The following P2RX4 variants were observed in gnomAD, a reference collection of about 807,000 sequenced individuals.
The protein encoded by P2RX4 is P2X purinoceptor 4.
In P2RX4, 37 loss-of-function variants were observed where a neutral mutation model predicts 48.0. The observed-to-expected ratio is 0.77, with a 90% CI of 0.59 to 1.01. P2RX4 has a LOEUF of 1.01. P2RX4 is among the 50% of genes least tolerant of loss of function. P2RX4 has a pLI of 0.00. For synonymous variants in P2RX4, 200 were observed against 199.7 expected (o/e 1.00, Z -0.01); for missense variants, 501 against 521.4 (o/e 0.96, Z 0.38).
Position 121,232,355 on chromosome 12 carries a change from C to T in P2RX4, c.885-59C>T. 8.3e-7 allele frequency: 1 copy of T among 1,205,354 alleles called. No individual in the cohort carries two copies. The highest frequency in any genetic ancestry group is 1.2e-6 in the Non-Finnish European group (1 of 810,566). 74.7% of individuals were successfully genotyped at this position (1,205,354 alleles called of 1,614,324 possible). ...TGCCAGCTCCACTCTAACGTTCTCT[C>T]ACAGGGCCCAAGGTCCTGCCCCAGC... On this transcript the variant is annotated intron_variant, in intron 8 of 11. Transcript: ENST00000337233. This position sits in a 1 kb window ranked among gnomAD's most constrained non-coding sequence, Gnocchi z 4.3.
chr12:121,224,524 C>T (rs2136233849), intron 5 of P2RX4, among the ~76,000 whole-genome samples: 1 of 152,126 alleles, frequency 6.6e-6, no homozygotes, highest in South Asian at 2.1e-4. Flanking sequence ...ATTGCTTGAA[C>T]CCGGGAAGTG....
chr12:121,215,528 C>T (rs900398848), intron 1 of P2RX4: 5 of 151,510 alleles, frequency 3.3e-5, no homozygotes, highest in African/African-American at 1.2e-4. Flanking sequence ...ACTGCAGCCT[C>T]CGTCTCCCAG....
In P2RX4 at chr12:121,233,016, TCATAGTCCTCTA is replaced by T. The variant is rs1887470680; in HGVS notation, c.1066_1077del (p.Ile356_Tyr359del). 6.2e-7 allele frequency: 1 copy of T among 1,613,212 alleles called. No homozygotes were observed. Among genetic ancestry groups the T allele is most frequent in the Non-Finnish European group, 8.5e-7 (1 of 1,179,300 alleles). On this transcript the variant is annotated inframe_deletion, in exon 11 of 12. Coordinates refer to ENST00000337233, the MANE Select transcript of P2RX4 (RefSeq NM_002560.3). ...ACTCAGGCGACCGTGCTGTGTGACA[TCATAGTCCTCTA>T]CTGCATGAAGAAAAGACTCTACTAT...
intron 2 of P2RX4, among the ~76,000 whole-genome samples, chr12:121,218,826 A>G (rs1424826677): frequency 1.3e-5 from 2 of 152,158 alleles, no homozygotes; most frequent in Non-Finnish European, 2.9e-5. Flanking sequence ...CCCTTGGCTC[A>G]TCTCCAGACT....
chr12:121,212,820 A>ATTTTTTTTTTTTT (rs1268523637), intron 1 of P2RX4: 2 of 42,762 alleles, frequency 4.7e-5, no homozygotes, highest in African/African-American at 2.5e-4. Context: ...ATATATATAT[A>ATTTTTTTTTTTTT]TATATTTTTT....
chr12:121,215,377 G>A (rs1342982868), intron 1 of P2RX4: 1 of 151,834 alleles, frequency 6.6e-6, no homozygotes, highest in Non-Finnish European at 1.5e-5. Context: ...TGGTGGAGCT[G>A]AGCCATGAAC....
rs899303996 is a variant in P2RX4, at chr12:121,229,480, G to A, written c.884+381G>A. On this transcript the variant is annotated intron_variant, in intron 8 of 11. Coordinates refer to ENST00000337233, the MANE Select transcript of P2RX4 (RefSeq NM_002560.3). The surrounding 1 kb of genome is among the most constrained non-coding windows in gnomAD (Gnocchi z 4.6). ...CAAAGGCCTCTGGGGCCTGGCCCAG[G>A]AATTGGTTTCTCAAAGGTTGAACCT... Among the ~76,000 whole-genome samples, 1 of 152,206 alleles carries A rather than the reference G, an allele frequency of 6.6e-6. No individual in the cohort carries two copies. The highest frequency in any genetic ancestry group is 2.4e-5 in the African/African-American group (1 of 41,456).
In P2RX4 at chr12:121,232,946, G is replaced by A. The variant is rs752682756; in HGVS notation, c.1045-51G>A. ...AAGGGGCACGCAAAGAATAAGATGG[G>A]TTGATGGGTTGCAAGCATCCTGGCT... On this transcript the variant is annotated intron_variant, in intron 10 of 11. Transcript: ENST00000337233. The surrounding 1 kb of genome is among the most constrained non-coding windows in gnomAD (Gnocchi z 4.3). 3.9e-6 allele frequency: 5 copies of A among 1,266,448 alleles called. No homozygotes were observed. The East Asian group carries it at 1.2e-4, about 29-fold the overall frequency. The allele number at this position is 1,266,448 out of a possible 1,614,324, so 78.5% of individuals were successfully genotyped here.
intron 5 of P2RX4, among the ~76,000 whole-genome samples, chr12:121,224,163 G>A (rs3887080): frequency 0.085 from 12,961 of 152,222 alleles, 680 homozygotes; most frequent in Non-Finnish European, 0.12. Context: ...TGCAGCTGGG[G>A]CTAGAGTCAG....
At chr12:121,226,368 A>C (rs1566007583) in intron 5 of P2RX4, among the ~76,000 whole-genome samples, 1 of 151,618 alleles carries the variant, frequency 6.6e-6, no homozygotes, top group Non-Finnish European at 1.5e-5. Flanking sequence ...ACATGGTGAA[A>C]CCCCCTCTCT....
chr12:121,219,218 C>T, intron 2 of P2RX4, among the ~76,000 whole-genome samples: 1 of 152,162 alleles, frequency 6.6e-6, no homozygotes, highest in African/African-American at 2.4e-5. Flanking sequence ...CTCACGCCTC[C>T]TCCTGTGGCC....
Position 121,232,004 on chromosome 12 carries a change from CAAAAA to C in P2RX4, c.885-395_885-391del, listed in dbSNP as rs34995184. Reference sequence around the variant, plus strand: ...CTGGCAACAGAGGGAGACTCCATCTCAAAAAAAAAAAAAAAAAAAGTCCCTGCACT... The same window carrying C: ...CTGGCAACAGAGGGAGACTCCATCTCAAAAAAAAAAAAAAGTCCCTGCACT... On this transcript the variant is annotated intron_variant, in intron 8 of 11. Transcript: ENST00000337233. The surrounding 1 kb of genome is among the most constrained non-coding windows in gnomAD (Gnocchi z 4.3). Among the ~76,000 whole-genome samples, 3 of 94,456 alleles carry C rather than the reference CAAAAA, an allele frequency of 3.2e-5. No individual in the cohort carries two copies. Among genetic ancestry groups the C allele is most frequent in the Non-Finnish European group, 6.1e-5 (3 of 49,318 alleles). The allele number at this position is 94,456 out of a possible 152,430, so 62.0% of individuals were successfully genotyped here.
At position 121,216,939 on chromosome 12, in the gene P2RX4, C is replaced by A. The variant is rs760402139; in HGVS notation, c.135-195C>A. 4.1e-5 allele frequency: 29 copies of A among 711,196 alleles called. No homozygotes were observed. In the East Asian group the frequency reaches 7.2e-4, roughly 18 times the overall value. The allele number at this position is 711,196 out of a possible 1,614,324, so 44.1% of individuals were successfully genotyped here. On this transcript the variant is annotated intron_variant, in intron 1 of 11. Transcript: ENST00000337233. ...CACCATCTCATTTATTTCCCGCAAACCCTCCTGTGGTTTAGGTGCTACCAT... is the reference window on the plus strand; with the variant it reads ...CACCATCTCATTTATTTCCCGCAAAACCTCCTGTGGTTTAGGTGCTACCAT...
At position 121,232,790 on chromosome 12, in the gene P2RX4, T is replaced by A; in HGVS notation, c.1044+114T>A. On this transcript the variant is annotated intron_variant, in intron 10 of 11. Coordinates refer to ENST00000337233, the MANE Select transcript of P2RX4 (RefSeq NM_002560.3). This position sits in a 1 kb window ranked among gnomAD's most constrained non-coding sequence, Gnocchi z 4.3. ...GATGTGTTTCTAAACTTGACCCTCC[T>A]ACCTTCTTTCCCTTGGCCCCCAGCC... is the stretch of plus-strand genomic sequence containing the variant. 1.0e-6 allele frequency: 1 copy of A among 995,756 alleles called. No individual in the cohort carries two copies. The highest frequency in any genetic ancestry group is 1.6e-6 in the Non-Finnish European group (1 of 628,748). 61.7% of individuals were successfully genotyped at this position (995,756 alleles called of 1,614,324 possible).
chr12:121,224,716 A>G (rs1886869662), intron 5 of P2RX4, among the ~76,000 whole-genome samples: 1 of 151,984 alleles, frequency 6.6e-6, no homozygotes, highest in Non-Finnish European at 1.5e-5. Flanking sequence ...GCTGTGCTTC[A>G]TGGGGTGGAG....
At chr12:121,227,557 A>C (rs1338826390) in intron 5 of P2RX4, among the ~76,000 whole-genome samples, 1 of 152,174 alleles carries the variant, frequency 6.6e-6, no homozygotes, top group African/African-American at 2.4e-5. Context: ...TGCGGCCCCA[A>C]AGCCAGGCCT....
Position 121,222,161 on chromosome 12 carries a change from G to C in P2RX4, c.422G>C (p.Ser141Thr). 2 of 1,609,556 alleles carry C rather than the reference G, an allele frequency of 1.2e-6. No homozygotes were observed. Among genetic ancestry groups the C allele is most frequent in the South Asian group, 2.2e-5 (2 of 90,950 alleles). Residue 141 changes from serine to threonine, a missense_variant, in exon 4 of 12, where the codon AGC becomes ACC. Transcript: ENST00000337233. ...SCTAGSAGTH[S>T]NGVSTGRCVA... ...ACTGCCGGCTCTGCCGGCACCCACA[G>C]CAACGGTACGAGCTTGTGGCCTCCT...
At chr12:121,223,420 C>A in intron 5 of P2RX4, 1 of 299,206 alleles carries the variant, frequency 3.3e-6, no homozygotes, top group Non-Finnish European at 6.5e-6. Context: ...CTCTGCGTGT[C>A]AGCCTTGAAC....
At chr12:121,230,993 T>TTTTTTCTTCTTTTTTC (rs1555238308) in intron 8 of P2RX4, among the ~76,000 whole-genome samples, 1 of 147,876 alleles carries the variant, frequency 6.8e-6, no homozygotes, top group African/African-American at 2.5e-5. Context: ...TTTTTTTTTT[T>TTTTTTCTTCTTTTTTC]TTCTTCTTTT....
Sources: allele counts gnomAD v4.1 joint callset (sites outside exome capture counted in the v4.1 genomes callset), GRCh38; gene constraint gnomAD v4.1.1; non-coding constraint Gnocchi (gnomAD v3.1); transcripts MANE v1.5; gene names NCBI Gene and HGNC (gene_info 2026-07-23, HGNC 2026-07-21).